Variants in PDE8A observed in about 807,000 individuals in gnomAD.
PDE8A encodes the protein high affinity cAMP-specific and IBMX-insensitive 3',5'-cyclic phosphodiesterase 8A.
A neutral mutation model predicts 105.0 loss-of-function variants in PDE8A; 59 were observed. The ratio of observed to expected loss-of-function variants is 0.56; its 90% confidence interval spans 0.46 to 0.70. The LOEUF (loss-of-function observed/expected upper bound fraction) is 0.70. Among genes scored for constraint, PDE8A ranks in the 30% least tolerant of loss-of-function variants. The pLI, the probability that PDE8A is intolerant of heterozygous loss-of-function variation, is 0.00. For synonymous variants in PDE8A, 355 were observed against 371.9 expected (o/e 0.95, Z 0.52); for missense variants, 1,014 against 1,045.9 (o/e 0.97, Z 0.42).
In PDE8A at chr15:85,035,006, A is replaced by G. The variant is rs74024787; in HGVS notation, c.187-29364A>G. The stretch of plus-strand genomic sequence containing the variant: ...TGCACAAAGGAAAGTAGCCTCTACA[A>G]GGGGTAACAGAAACAATGGACAGAT... On this transcript the variant is annotated intron_variant, in intron 1 of 21. Transcript: ENST00000394553. Among the ~76,000 whole-genome samples the G allele has an allele frequency of 4.8e-3, 725 of 152,304 alleles. 3 individuals carry two copies. The highest frequency in any genetic ancestry group is 0.016 in the African/African-American group (672 of 41,568).
intron 1 of PDE8A, among the ~76,000 whole-genome samples, chr15:84,991,127 C>T (rs2079879001): frequency 6.6e-6 from 1 of 152,146 alleles, no homozygotes; most frequent in South Asian, 2.1e-4. Context: ...AAGCAAGTTA[C>T]ACAAGGCATT....
At chr15:85,119,676 T>C (rs2141618679) in intron 17 of PDE8A, among the ~76,000 whole-genome samples, 1 of 152,176 alleles carries the variant, frequency 6.6e-6, no homozygotes, top group South Asian at 2.1e-4. Flanking sequence ...CTTCATAGGC[T>C]ATATTTTCTA....
chr15:85,035,369 C>T (rs1244133795), intron 1 of PDE8A, among the ~76,000 whole-genome samples: 4 of 151,908 alleles, frequency 2.6e-5, no homozygotes, highest in Non-Finnish European at 1.5e-5. Flanking sequence ...CCACCACGCC[C>T]AGCTAATTTT....
chr15:85,057,847 A>G (rs182502922), intron 1 of PDE8A, among the ~76,000 whole-genome samples: 30 of 152,214 alleles, frequency 2.0e-4, no homozygotes, highest in African/African-American at 7.0e-4. Flanking sequence ...ACACTGATCA[A>G]TTTTCATATG....
intron 1 of PDE8A, among the ~76,000 whole-genome samples, chr15:85,046,757 A>G (rs183823048): frequency 2.6e-5 from 4 of 152,296 alleles, no homozygotes; most frequent in Admixed American, 6.5e-5. Flanking sequence ...TTGGAATTAT[A>G]TATCTATTTT....
At chr15:84,990,590 G>C (rs1344173866) in intron 1 of PDE8A, among the ~76,000 whole-genome samples, 7 of 152,158 alleles carry the variant, frequency 4.6e-5, no homozygotes, top group Admixed American at 3.9e-4. Flanking sequence ...AAAGTAGTCT[G>C]TTACATGAAG....
chr15:85,054,652 G>T (rs944809329), intron 1 of PDE8A, among the ~76,000 whole-genome samples: 1 of 152,032 alleles, frequency 6.6e-6, no homozygotes, highest in Admixed American at 6.6e-5. Context: ...CTGTGGGATC[G>T]GTGGTTATAT....
At chr15:85,076,928 C>T in intron 5 of PDE8A, 141 bp downstream of exon 5, 1 of 599,942 alleles carries the variant, frequency 1.7e-6, no homozygotes, top group Admixed American at 2.3e-5. Context: ...TACCTGTAAT[C>T]CCAGCACTTT....
At position 85,026,416 on chromosome 15, in the gene PDE8A, A is replaced by G. The variant is rs576596585; in HGVS notation, c.187-37954A>G. On this transcript the variant is annotated intron_variant, in intron 1 of 21. Coordinates refer to ENST00000394553, the MANE Select transcript of PDE8A (RefSeq NM_002605.3). ...TCTCCATGTGGTCTGGGCTTCTCAC[A>G]GTGTGGTGGCTGGGTTCCAAGAGAG... is the stretch of plus-strand genomic sequence containing the variant. Among the ~76,000 whole-genome samples, 11 of 152,246 alleles carry G rather than the reference A, an allele frequency of 7.2e-5. No individual in the cohort carries two copies. In the East Asian group the frequency reaches 2.1e-3, roughly 29 times the overall value.
At position 85,012,048 on chromosome 15, in the gene PDE8A, G is replaced by A. The variant is rs1042806694; in HGVS notation, c.186+29700G>A. Among the ~76,000 whole-genome samples the A allele has an allele frequency of 4.5e-4, 69 of 152,250 alleles. 1 individual carries two copies. In the South Asian group the frequency reaches 0.013, roughly 30 times the overall value. Reference sequence around the variant, plus strand: ...GCAATCATTAAAAAGTCAGGAAACAGCAGGTGCTGGAGAGGATGTGGAGAA... The same window carrying A: ...GCAATCATTAAAAAGTCAGGAAACAACAGGTGCTGGAGAGGATGTGGAGAA... On this transcript the variant is annotated intron_variant, in intron 1 of 21. Coordinates refer to ENST00000394553, the MANE Select transcript of PDE8A (RefSeq NM_002605.3).
intron 20 of PDE8A, among the ~76,000 whole-genome samples, chr15:85,130,948 C>T (rs778175560): frequency 2.0e-5 from 3 of 151,960 alleles, no homozygotes; most frequent in East Asian, 1.9e-4. Context: ...TTAGTAGAGA[C>T]GGGGTTTCAT....
chr15:85,124,558 T>C (rs2082230547), intron 19 of PDE8A, among the ~76,000 whole-genome samples: 1 of 152,156 alleles, frequency 6.6e-6, no homozygotes, highest in East Asian at 1.9e-4. Flanking sequence ...TGCAATTCAT[T>C]TGTTTGGCCA....
intron 5 of PDE8A, among the ~76,000 whole-genome samples, chr15:85,082,172 G>A (rs866204271): frequency 2.1e-4 from 32 of 152,226 alleles, no homozygotes; most frequent in Admixed American, 1.8e-3. Context: ...TGGACAGCAG[G>A]TCTAGCATAC....
intron 11 of PDE8A, among the ~76,000 whole-genome samples, chr15:85,107,630 A>C (rs377626733): frequency 7.2e-5 from 11 of 152,146 alleles, no homozygotes; most frequent in African/African-American, 2.7e-4. Flanking sequence ...ACTTCTGTCT[A>C]CCTTATGGTA....
At chr15:85,120,259 C>G (rs1268868708) in intron 17 of PDE8A, 1 of 151,968 alleles carries the variant, frequency 6.6e-6, no homozygotes, top group Non-Finnish European at 1.5e-5. Context: ...TTCTTTAGCC[C>G]TTTAAGGAAT....
At chr15:85,059,735 A>G (rs1032690915) in intron 1 of PDE8A, among the ~76,000 whole-genome samples, 1 of 152,238 alleles carries the variant, frequency 6.6e-6, no homozygotes, top group African/African-American at 2.4e-5. Context: ...TATAGACCAC[A>G]TATAGATGGG....
At chr15:85,071,596 C>G (rs902551540) in intron 3 of PDE8A, among the ~76,000 whole-genome samples, 4 of 152,232 alleles carry the variant, frequency 2.6e-5, no homozygotes, top group African/African-American at 9.6e-5. Context: ...CCCCGCTCTG[C>G]AGCAGACCTG....
chr15:85,080,332 C>A (rs917245599), intron 5 of PDE8A, among the ~76,000 whole-genome samples: 11 of 152,240 alleles, frequency 7.2e-5, no homozygotes, highest in African/African-American at 2.6e-4. Flanking sequence ...TTTACTTAGC[C>A]AGCAGTAAGG....
chr15:85,019,689 C>T (rs1276072485), intron 1 of PDE8A, among the ~76,000 whole-genome samples: 1 of 152,104 alleles, frequency 6.6e-6, no homozygotes, highest in Non-Finnish European at 1.5e-5. Context: ...AAGTGATCCT[C>T]CTGCCTCAGC....
Sources: gnomAD v4.1 joint callset for allele counts (sites outside exome capture counted in the v4.1 genomes callset) on GRCh38, gnomAD v4.1.1 for gene constraint, MANE v1.5 for transcripts, NCBI Gene and HGNC (gene_info 2026-07-23, HGNC 2026-07-21) for gene names.